The following COL5A1 variants were observed in gnomAD, a reference collection of about 807,000 sequenced individuals.
COL5A1 encodes the protein collagen alpha-1(V) chain.
In COL5A1, 16 loss-of-function variants were observed where a neutral mutation model predicts 263.7. The observed-to-expected ratio is 0.06, with a 90% CI of 0.04 to 0.09. The LOEUF is 0.09. COL5A1 is among the 10% of genes least tolerant of loss of function. COL5A1 has a pLI of 1.00. For synonymous variants in COL5A1, 1,012 were observed against 1,004.5 expected (o/e 1.01, Z -0.14); for missense variants, 2,036 against 2,540.5 (o/e 0.80, Z 4.27).
At chr9:134,839,154 G>A (rs1300000109) in intron 65 of COL5A1, among the ~76,000 whole-genome samples, 1 of 152,250 alleles carries the variant, frequency 6.6e-6, no homozygotes, top group South Asian at 2.1e-4. Context: ...TTTGGCTGGG[G>A]CGCCTGATTG....
intron 9 of COL5A1, among the ~76,000 whole-genome samples, chr9:134,733,717 G>T (rs1421675342): frequency 6.6e-6 from 1 of 152,364 alleles, no homozygotes; most frequent in Non-Finnish European, 1.5e-5. Flanking sequence ...AGAAGCAGGG[G>T]GCTGCGGGCC....
At chr9:134,694,180 C>T (rs773102834) in intron 2 of COL5A1, among the ~76,000 whole-genome samples, 5 of 152,258 alleles carry the variant, frequency 3.3e-5, no homozygotes, top group Non-Finnish European at 7.3e-5. Context: ...CCAGACTCCC[C>T]GAAGAGCTCA....
rs1447774155 is a variant in COL5A1, at chr9:134,798,665, G to T, written c.2952+204G>T. Among the ~76,000 whole-genome samples, 14 of 116,978 alleles carry T rather than the reference G, an allele frequency of 1.2e-4. 1 individual carries two copies. In the East Asian group the frequency reaches 3.8e-3, roughly 32 times the overall value. The allele number at this position is 116,978 out of a possible 152,430, so 76.7% of individuals were successfully genotyped here. Reference sequence around the variant, plus strand: ...GGCAGGGCCAGGGCAGAGCAGTCATGCAGGCCGGCAGCGCCTTATGGCATC... The same window carrying T: ...GGCAGGGCCAGGGCAGAGCAGTCATTCAGGCCGGCAGCGCCTTATGGCATC... On this transcript the variant is annotated intron_variant, in intron 37 of 65. Transcript: ENST00000371817.
At position 134,760,089 on chromosome 9, in the gene COL5A1, C is replaced by T. The variant is rs150149914; in HGVS notation, c.1935+1793C>T. Among the ~76,000 whole-genome samples the T allele has an allele frequency of 4.6e-3, 605 of 131,278 alleles. 4 individuals carry two copies. The highest frequency in any genetic ancestry group is 7.1e-3 in the Non-Finnish European group (431 of 60,956). 86.1% of individuals were successfully genotyped at this position (131,278 alleles called of 152,430 possible). ...ACTCATACATGCACACACGCATACA[C>T]GCCCACACACCCCCACACTCATACA... is the stretch of plus-strand genomic sequence containing the variant. On this transcript the variant is annotated intron_variant, in intron 18 of 65. Coordinates refer to ENST00000371817, the MANE Select transcript of COL5A1 (RefSeq NM_000093.5).
intron 65 of COL5A1, among the ~76,000 whole-genome samples, chr9:134,839,981 C>T (rs751888842): frequency 2.0e-5 from 3 of 152,374 alleles, no homozygotes; most frequent in Non-Finnish European, 2.9e-5. Context: ...GCCCCACACT[C>T]GGCATTCTGT....
At position 134,700,156 on chromosome 9, in the gene COL5A1, CTGG is replaced by C; in HGVS notation, c.491+35_491+37del. 1 of 1,587,106 alleles carries C rather than the reference CTGG, an allele frequency of 6.3e-7. No homozygotes were observed. Among genetic ancestry groups the C allele is most frequent in the Non-Finnish European group, 8.5e-7 (1 of 1,170,640 alleles). On this transcript the variant is annotated intron_variant, in intron 3 of 65. Transcript: ENST00000371817. The surrounding 1 kb of genome is among the most constrained non-coding windows in gnomAD (Gnocchi z 4.0). ...GCACTTCTGGGCAACTGTCCCCCTG[CTGG>C]AGGGGGGATCAGGCCAGCTCATACC...
At chr9:134,730,147 G>A (rs1834823935) in intron 6 of COL5A1, 89 bp from the exon 7 acceptor site, 1 of 1,577,228 alleles carries the variant, frequency 6.3e-7, no homozygotes, top group Admixed American at 1.7e-5. Flanking sequence ...CCACTGAGAT[G>A]CCTGCACCCG....
intron 51 of COL5A1, 111 bp from the exon 52 acceptor site, chr9:134,815,824 C>A: frequency 2.2e-6 from 3 of 1,380,438 alleles, no homozygotes; most frequent in Non-Finnish European, 2.1e-6. Context: ...TCTGTGCTGG[C>A]ACCAGAATGG....
At chr9:134,747,755 A>T (rs1564428477) in intron 11 of COL5A1, among the ~76,000 whole-genome samples, 1 of 149,116 alleles carries the variant, frequency 6.7e-6, no homozygotes, top group Non-Finnish European at 1.5e-5. Flanking sequence ...ACATGCACAC[A>T]TGCATTCATA....
intron 61 of COL5A1, among the ~76,000 whole-genome samples, chr9:134,824,019 G>GTGTGTGTGTGCA: frequency 6.6e-6 from 1 of 151,056 alleles, no homozygotes; most frequent in African/African-American, 2.5e-5. Flanking sequence ...ATGTGCATGT[G>GTGTGTGTGTGCA]TGTGTGTGTG....
Position 134,796,394 on chromosome 9 carries a change from C to T in COL5A1, c.2820C>T (p.Gly940=). 1 of 1,614,176 alleles carries T rather than the reference C, an allele frequency of 6.2e-7. No individual in the cohort carries two copies. The highest frequency in any genetic ancestry group is 8.5e-7 in the Non-Finnish European group (1 of 1,180,028). Residue 940 remains glycine (G), a synonymous_variant, in exon 35 of 66, where the codon GGC becomes GGT. Coordinates refer to ENST00000371817, the MANE Select transcript of COL5A1 (RefSeq NM_000093.5). ...TCAAGGGCAACTCCGGAGGTGACGGCCCAGCTGGCCCTCCTGGTGAACGGG... is the reference window on the plus strand; with the variant it reads ...TCAAGGGCAACTCCGGAGGTGACGGTCCAGCTGGCCCTCCTGGTGAACGGG... ...PGPKGNSGGD[G]PAGPPGERGP...
chr9:134,669,320 CTCCTTCCT>C (rs757595255), intron 1 of COL5A1, among the ~76,000 whole-genome samples: 1 of 124,498 alleles, frequency 8.0e-6, no homozygotes, highest in African/African-American at 3.1e-5. Flanking sequence ...CCCTTCCCTT[CTCCTTCCT>C]TCCTTCCTTC....
Position 134,652,266 on chromosome 9 carries a change from A to C in COL5A1, c.109+9970A>C, listed in dbSNP as rs1394748559. Among the ~76,000 whole-genome samples the C allele has an allele frequency of 6.6e-6, 1 of 152,212 alleles. No homozygotes were observed. Among genetic ancestry groups the C allele is most frequent in the African/African-American group, 2.4e-5 (1 of 41,450 alleles). On this transcript the variant is annotated intron_variant, in intron 1 of 65. Coordinates refer to ENST00000371817, the MANE Select transcript of COL5A1 (RefSeq NM_000093.5). The surrounding 1 kb of genome is among the most constrained non-coding windows in gnomAD (Gnocchi z 4.4). Reference sequence around the variant, plus strand: ...AGTGGAGATACTCAGCTGAAGGTTGAGAACACACAGGGCGTCCTTGGGCCG... The same window carrying C: ...AGTGGAGATACTCAGCTGAAGGTTGCGAACACACAGGGCGTCCTTGGGCCG...
At chr9:134,746,047 C>T (rs1835499904) in intron 11 of COL5A1, among the ~76,000 whole-genome samples, 1 of 152,196 alleles carries the variant, frequency 6.6e-6, no homozygotes, top group African/African-American at 2.4e-5. Flanking sequence ...CTCCCATCCT[C>T]AAAGACCCCA....
At chr9:134,744,902 CAT>C (rs1184076965) in intron 11 of COL5A1, among the ~76,000 whole-genome samples, 3 of 152,230 alleles carry the variant, frequency 2.0e-5, no homozygotes, top group Admixed American at 6.5e-5. Flanking sequence ...CACTCATGCA[CAT>C]ATGCACACAC....
chr9:134,700,190 C>G lies in COL5A1; in HGVS notation c.491+68C>G. On this transcript the variant is annotated intron_variant, in intron 3 of 65. Coordinates refer to ENST00000371817, the MANE Select transcript of COL5A1 (RefSeq NM_000093.5). The surrounding 1 kb of genome is among the most constrained non-coding windows in gnomAD (Gnocchi z 4.0). ...GGATCAGGCCAGCTCATACCACTGACCAGATGTGGGGCACAGTAGAGGACG... is the reference window on the plus strand; with the variant it reads ...GGATCAGGCCAGCTCATACCACTGAGCAGATGTGGGGCACAGTAGAGGACG... 6.8e-7 allele frequency: 1 copy of G among 1,461,322 alleles called. No individual in the cohort carries two copies. The highest frequency in any genetic ancestry group is 9.4e-7 in the Non-Finnish European group (1 of 1,063,758). The allele number at this position is 1,461,322 out of a possible 1,614,324, so 90.5% of individuals were successfully genotyped here.
chr9:134,808,829 T>C (rs1385368182), intron 42 of COL5A1: 2 of 349,226 alleles, frequency 5.7e-6, no homozygotes, highest in Admixed American at 4.3e-5. Context: ...TGGGCTTGGC[T>C]CCCGGTCACT....
At chr9:134,760,906 C>T (rs998066467) in intron 18 of COL5A1, among the ~76,000 whole-genome samples, 3 of 150,568 alleles carry the variant, frequency 2.0e-5, no homozygotes, top group African/African-American at 7.4e-5. Context: ...CGCATACACA[C>T]ATGCACACAC....
At chr9:134,663,927 G>T (rs1050965523) in intron 1 of COL5A1, among the ~76,000 whole-genome samples, 1 of 152,228 alleles carries the variant, frequency 6.6e-6, no homozygotes, top group African/African-American at 2.4e-5. Context: ...TGCCACCACC[G>T]GAGGGTGCTA....
Sources: gnomAD v4.1 joint callset for allele counts (sites outside exome capture counted in the v4.1 genomes callset) on GRCh38, gnomAD v4.1.1 for gene constraint, Gnocchi (gnomAD v3.1) non-coding constraint, MANE v1.5 for transcripts, NCBI Gene and HGNC (gene_info 2026-07-23, HGNC 2026-07-21) for gene names.